LRWD1: variants seen among roughly 807,000 people sequenced by gnomAD.
The protein encoded by LRWD1 is leucine rich repeats and WD repeat domain containing 1, also known as leucine-rich repeat and WD repeat-containing protein 1.
LRWD1 carries 76 observed loss-of-function variants against 75.6 expected under a neutral mutation model. The observed-to-expected ratio is 1.01, with a 90% confidence interval of 0.84 to 1.22. The LOEUF (loss-of-function observed/expected upper bound fraction) is 1.22, where lower values mean the gene tolerates loss of function less well. Among genes scored for constraint, LRWD1 ranks in the 50% most tolerant of loss-of-function variants. LRWD1 has a pLI of 0.00. For missense variants in LRWD1, 917 were observed against 862.0 expected, an observed-to-expected ratio of 1.06 and a Z score of -0.80; for synonymous variants, 487 against 377.0, an observed-to-expected ratio of 1.29 and a Z score of -3.38.
Position 102,472,599 on chromosome 7 carries a change from C to CGCCTGCCCTGGTGA in LRWD1, c.1689_1690+12dup. 6.2e-7 allele frequency: 1 copy of CGCCTGCCCTGGTGA among 1,608,886 alleles called. No homozygotes were observed. The highest frequency in any genetic ancestry group is 8.5e-7 in the Non-Finnish European group (1 of 1,177,520). The stretch of plus-strand genomic sequence containing the variant: ...CCGAGTTGGCCTACTTCTCGCTCAG[C>CGCCTGCCCTGGTGA]GCCTGCCCTGGTGAGCCTGCCCCCC... On this transcript the variant is annotated frameshift_variant, in exon 13 of 15. Transcript: ENST00000292616. LOFTEE classifies it high-confidence loss of function.
intron 3 of LRWD1, among the ~76,000 whole-genome samples, chr7:102,466,708 A>G (rs1797988669): frequency 7.0e-6 from 1 of 143,518 alleles, no homozygotes; most frequent in African/African-American, 2.7e-5. Flanking sequence ...ATGAGTCACC[A>G]CACCCGGCCT....
At position 102,473,050 on chromosome 7, in the gene LRWD1, C is replaced by G. The variant is rs745818083; in HGVS notation, c.*1C>G. On this transcript the variant is annotated 3_prime_UTR_variant, in exon 15 of 15. Transcript: ENST00000292616. ...CGTAGCCATCTGGGGGAGGATGTAG[C>G]CTCACACCATCGCAAAGGACCAGGG... 1 of 1,611,348 alleles carries G rather than the reference C, an allele frequency of 6.2e-7. No individual in the cohort carries two copies. Among genetic ancestry groups the G allele is most frequent in the Non-Finnish European group, 8.5e-7 (1 of 1,178,184 alleles).
intron 9 of LRWD1, 114 bp downstream of exon 9, chr7:102,469,176 C>T (rs1586741016): frequency 4.5e-6 from 4 of 885,610 alleles, no homozygotes; most frequent in African/African-American, 1.7e-5. Flanking sequence ...TGCCGGGCCC[C>T]AGTCTGCACC....
chr7:102,472,141 C>G (rs1012032820), intron 11 of LRWD1, 77 bp from the exon 12 acceptor site: 2 of 1,315,676 alleles, frequency 1.5e-6, no homozygotes, highest in Admixed American at 2.0e-5. Flanking sequence ...CCAGCAGGTG[C>G]GCTGCAGATG....
In LRWD1 at chr7:102,473,098, G is replaced by C; in HGVS notation, c.*49G>C. 6.7e-7 allele frequency: 1 copy of C among 1,501,948 alleles called. No individual in the cohort carries two copies. The highest frequency in any genetic ancestry group is 9.0e-7 in the Non-Finnish European group (1 of 1,114,050). 93.0% of individuals were successfully genotyped at this position (1,501,948 alleles called of 1,614,324 possible). On this transcript the variant is annotated 3_prime_UTR_variant, in exon 15 of 15. Transcript: ENST00000292616. ...GGGACACAGCTAACTAACTTATTCA[G>C]CTTTGGGCCGATGGGGGTGGGGGGG...
Position 102,466,283 on chromosome 7 carries a change from G to A in LRWD1, c.432+13G>A, listed in dbSNP as rs778030873. 1 of 1,599,890 alleles carries A rather than the reference G, an allele frequency of 6.3e-7. No individual in the cohort carries two copies. Among genetic ancestry groups the A allele is most frequent in the South Asian group, 1.1e-5 (1 of 90,730 alleles). On this transcript the variant is annotated intron_variant, in intron 3 of 14. Transcript: ENST00000292616. ...GCTGACCAGCAGGGTAAGGGGATGA[G>A]AGGATTATTGTGTGCTTAGGAGCTG... is the stretch of plus-strand genomic sequence containing the variant.
In LRWD1 at chr7:102,469,602, C is replaced by T. The variant is rs1447140525; in HGVS notation, c.1257C>T (p.Leu419=). ...CCTCCTATGACAAGCGGATCATCCT[C>T]TGGGACATCGGGGTGCCCAACCAGG... The part of the protein sequence containing the change: ...FTASYDKRII[L]WDIGVPNQDY... Residue 419 remains leucine (L), a synonymous_variant, in exon 10 of 15, where the codon CTC becomes CTT. Transcript: ENST00000292616. The T allele has an allele frequency of 1.9e-6, 3 of 1,614,086 alleles. No homozygotes were observed. The highest frequency in any genetic ancestry group is 1.3e-5 in the African/African-American group (1 of 74,954).
rs967251741 is a variant in LRWD1 at position 102,470,034 on chromosome 7, G to C, written c.1442+152G>C. 1.1e-5 allele frequency: 11 copies of C among 1,002,886 alleles called. No individual in the cohort carries two copies. The Admixed American group carries it at 3.6e-4, about 33-fold the overall frequency. The allele number at this position is 1,002,886 out of a possible 1,614,324, so 62.1% of individuals were successfully genotyped here. A position where few individuals can be genotyped will look rare whatever the true frequency, so the allele number is the denominator to read the frequency against. ...CAGAGCTGGCTTGTCCCACCTTTCT[G>C]CCAGGCTCTGGAGGAAAGGACTCTG... On this transcript the variant is annotated intron_variant, in intron 11 of 14. Coordinates refer to ENST00000292616, the MANE Select transcript of LRWD1 (RefSeq NM_152892.3).
intron 7 of LRWD1, 55 bp downstream of exon 7, chr7:102,468,432 T>C (rs1035107113): frequency 7.8e-6 from 12 of 1,546,400 alleles, no homozygotes; most frequent in Middle Eastern, 1.7e-4. Context: ...GCCGCCTGGA[T>C]GGGTGGGGGA....
chr7:102,468,576 C>G lies in LRWD1; in HGVS notation c.942C>G (p.Ala314=). 1.3e-6 allele frequency: 2 copies of G among 1,577,626 alleles called. No individual in the cohort carries two copies. Among genetic ancestry groups the G allele is most frequent in the Non-Finnish European group, 1.7e-6 (2 of 1,161,650 alleles). ...CAGGGGCCACATCCCAGACCGTGGC[C>G]ACGTGCGGCGGGGAGGCTGTGTGCG... ...WEEGATSQTV[A]TCGGEAVCVI... Residue 314 remains alanine, a synonymous_variant, in exon 8 of 15, where the codon GCC becomes GCG. Transcript: ENST00000292616.
rs751231484 is a variant in LRWD1 at position 102,466,034 on chromosome 7, G to A, written c.298G>A (p.Gly100Ser). ...CAAGCTCGAGGAACTCAGCCTGGAG[G>A]GCAACCCCTTCCTGACGGTAAGTGG... ...FPKLEELSLE[G>S]NPFLTVNDNL... Residue 100 changes from glycine to serine, a missense_variant, in exon 2 of 15, where the codon GGC becomes AGC. Physicochemically the swap from Gly to Ser is moderately conservative, Grantham distance 56 (BLOSUM62 0). Coordinates refer to ENST00000292616, the MANE Select transcript of LRWD1 (RefSeq NM_152892.3). The A allele has an allele frequency of 2.4e-5, 39 of 1,613,912 alleles. No homozygotes were observed. Among genetic ancestry groups the A allele is most frequent in the African/African-American group, 6.7e-5 (5 of 74,908 alleles).
Position 102,468,554 on chromosome 7 carries a change from G to A in LRWD1, c.920G>A (p.Gly307Glu), listed in dbSNP as rs751985953. ...CGACCTCTCAAAACCGGGCACTCAG[G>A]GGCCACATCCCAGACCGTGGCCACG... ...ACAFEPAWEE[G>E]ATSQTVATCG... Residue 307 changes from glycine (G) to glutamate (E), a missense_variant and splice_region_variant, in exon 8 of 15, where the codon GGG becomes GAG. Physicochemically the swap from Gly to Glu is moderately conservative, Grantham distance 98. Transcript: ENST00000292616. 5 of 1,566,548 alleles carry A rather than the reference G, an allele frequency of 3.2e-6. No homozygotes were observed. The highest frequency in any genetic ancestry group is 2.7e-5 in the African/African-American group (2 of 73,742).
intron 14 of LRWD1, 31 bp downstream of exon 14, chr7:102,472,835 G>C: frequency 6.2e-7 from 1 of 1,612,266 alleles, no homozygotes; most frequent in Non-Finnish European, 8.5e-7. Context: ...CCCAGGCTTG[G>C]GCTGGCAAGG....
In LRWD1 at chr7:102,469,794, G is replaced by C; in HGVS notation, c.1354G>C (p.Ala452Pro). The change falls in exon 11 of 15, where the codon GCC becomes CCC. Residue 452 changes from alanine to proline, a missense_variant. Coordinates refer to ENST00000292616, the MANE Select transcript of LRWD1 (RefSeq NM_152892.3). ...TSIPLRLCPV[A>P]SCPDARLLAG... ...TATCCCCCTGCGCCTCTGCCCTGTC[G>C]CCTCCTGCCCGGACGCCCGCCTGCT... The C allele has an allele frequency of 6.2e-7, 1 of 1,609,064 alleles. No homozygotes were observed. Among genetic ancestry groups the C allele is most frequent in the Non-Finnish European group, 8.5e-7 (1 of 1,177,544 alleles).
Position 102,469,849 on chromosome 7 carries a change from GGGACGTGCGGCT to G in LRWD1, c.1414_1425del (p.Val472_Asp475del), listed in dbSNP as rs756723654. 6.3e-7 allele frequency: 1 copy of G among 1,597,514 alleles called. No homozygotes were observed. Among genetic ancestry groups the G allele is most frequent in the South Asian group, 1.1e-5 (1 of 89,414 alleles). On this transcript the variant is annotated inframe_deletion, in exon 11 of 15. Transcript: ENST00000292616. ...GGCTGCGAGGGCGGCTGCTGCTGCTGGGACGTGCGGCTGGACCAGCCCCAAAAGAGGAGGTGA... is the reference window on the plus strand; with the variant it reads ...GGCTGCGAGGGCGGCTGCTGCTGCTGGGACCAGCCCCAAAAGAGGAGGTGA...
intron 12 of LRWD1, 42 bp downstream of exon 12, chr7:102,472,351 C>T: frequency 6.4e-7 from 1 of 1,553,370 alleles, no homozygotes. Flanking sequence ...CCTCCGGGCA[C>T]ACAGATGGAC....
chr7:102,473,114 GGT>G lies in LRWD1; in HGVS notation c.*67_*68del. On this transcript the variant is annotated 3_prime_UTR_variant, in exon 15 of 15. Transcript: ENST00000292616. ...ACTTATTCAGCTTTGGGCCGATGGGGGTGGGGGGGGGTCTTTCAGTGAATATT... is the reference window on the plus strand; with the variant it reads ...ACTTATTCAGCTTTGGGCCGATGGGGGGGGGGGGGTCTTTCAGTGAATATT... 1.4e-6 allele frequency: 2 copies of G among 1,410,530 alleles called. No homozygotes were observed. The highest frequency in any genetic ancestry group is 2.4e-5 in the East Asian group (1 of 41,538). 87.4% of individuals were successfully genotyped at this position (1,410,530 alleles called of 1,614,324 possible). A position where few individuals can be genotyped will look rare whatever the true frequency, so the allele number is the denominator to read the frequency against.
At position 102,472,823 on chromosome 7, in the gene LRWD1, T is replaced by A; in HGVS notation, c.1803+19T>A. ...CACACAGGTACTGCCCGGCTCACCC[T>A]GCCCAGGCTTGGGCTGGCAAGGCAT... On this transcript the variant is annotated intron_variant, in intron 14 of 14. Coordinates refer to ENST00000292616, the MANE Select transcript of LRWD1 (RefSeq NM_152892.3). The A allele has an allele frequency of 6.2e-7, 1 of 1,612,670 alleles. No individual in the cohort carries two copies. Among genetic ancestry groups the A allele is most frequent in the Non-Finnish European group, 8.5e-7 (1 of 1,179,422 alleles).
chr7:102,472,556 G>A lies in LRWD1; in HGVS notation c.1637G>A (p.Arg546Gln), dbSNP rs202055278. 1.6e-5 allele frequency: 26 copies of A among 1,599,804 alleles called. No individual in the cohort carries two copies. Among genetic ancestry groups the A allele is most frequent in the East Asian group, 2.3e-5 (1 of 44,316 alleles). The stretch of plus-strand genomic sequence containing the variant: ...ACGGTGGCAGTGGTGGTCCTGGCGC[G>A]GCTGCAATGGTCGTCCACCGAGTTG... ...QSTVAVVVLA[R>Q]LQWSSTELAY... is the part of the protein sequence containing the mutation. Residue 546 changes from arginine (R) to glutamine (Q), a missense_variant, in exon 13 of 15, where the codon CGG becomes CAG. Physicochemically the swap from Arg to Gln is conservative, Grantham distance 43. Transcript: ENST00000292616.
Sources: gnomAD v4.1 joint callset for allele counts (sites outside exome capture counted in the v4.1 genomes callset) on GRCh38, gnomAD v4.1.1 for gene constraint, MANE v1.5 for transcripts, NCBI Gene and HGNC (gene_info 2026-07-23, HGNC 2026-07-21) for gene names.